MTCH2: variants seen among roughly 807,000 people sequenced by gnomAD.
MTCH2 encodes the protein mitochondrial carrier homolog 2.
Under a neutral mutation model 50.6 loss-of-function variants are expected in MTCH2, and 25 were observed. The ratio of observed to expected loss-of-function variants is 0.49; its 90% confidence interval spans 0.36 to 0.69. The LOEUF (loss-of-function observed/expected upper bound fraction) is 0.69, where lower values mean the gene tolerates loss of function less well. Ranked by LOEUF, MTCH2 falls within the 30% of genes least tolerant of loss-of-function variation. The pLI, the probability that MTCH2 is intolerant of heterozygous loss-of-function variation, is 0.00. For missense variants in MTCH2, 273 were observed against 384.4 expected, an observed-to-expected ratio of 0.71 and a Z score of 2.42; for synonymous variants, 106 against 132.0, an observed-to-expected ratio of 0.80 and a Z score of 1.35.
chr11:47,638,563 AAAAG>A, intron 3 of MTCH2, 132 bp downstream of exon 3: 4 of 670,380 alleles, frequency 6.0e-6, no homozygotes, highest in Non-Finnish European at 9.7e-6. Flanking sequence ...AAAAAAAAAA[AAAAG>A]AAAGTGTTTT....
chr11:47,611,130 C>G, the MTCH2 span, among the ~76,000 whole-genome samples: 3 of 152,222 alleles, frequency 2.0e-5, no homozygotes, highest in African/African-American at 7.2e-5. Context: ...TGTCAGTGGA[C>G]AGTAAGCGCC....
intron 1 of MTCH2, among the ~76,000 whole-genome samples, chr11:47,642,012 G>C (rs1296653051): frequency 6.6e-6 from 1 of 152,230 alleles, no homozygotes; most frequent in Non-Finnish European, 1.5e-5. Context: ...GGGAGTAGTG[G>C]TGAATGTGAA....
At chr11:47,611,549 T>A in the MTCH2 span, among the ~76,000 whole-genome samples, 1 of 152,264 alleles carries the variant, frequency 6.6e-6, no homozygotes, top group Non-Finnish European at 1.5e-5. Context: ...TCCATTCTCT[T>A]GGCTGCCTTG....
intron 12 of MTCH2, among the ~76,000 whole-genome samples, chr11:47,619,937 C>T (rs982783812): frequency 6.6e-6 from 1 of 152,012 alleles, no homozygotes; most frequent in Non-Finnish European, 1.5e-5. Context: ...ATTAGCCGGG[C>T]GTAGTGGCGG....
At position 47,634,561 on chromosome 11, in the gene MTCH2, A is replaced by C. The variant is rs975637956; in HGVS notation, c.369+111T>G. ...AAGCCCAAATTAATTTGAAGGTTTA[A>C]TTTCATTTGGGAACAGACACTGAAC... On this transcript the variant is annotated intron_variant, in intron 5 of 12. Coordinates refer to ENST00000302503, the MANE Select transcript of MTCH2 (RefSeq NM_014342.4). 2.3e-5 allele frequency: 18 copies of C among 795,554 alleles called. No homozygotes were observed. The Middle Eastern group carries it at 7.0e-4, about 31-fold the overall frequency. The allele number at this position is 795,554 out of a possible 1,614,324, so 49.3% of individuals were successfully genotyped here.
chr11:47,632,634 A>G (rs2097304166), intron 5 of MTCH2, among the ~76,000 whole-genome samples: 1 of 152,026 alleles, frequency 6.6e-6, no homozygotes, highest in African/African-American at 2.4e-5. Context: ...CTGGGATTAC[A>G]GGCATGAGCC....
chr11:47,629,758 A>G (rs1056968176), intron 8 of MTCH2, among the ~76,000 whole-genome samples: 65 of 152,052 alleles, frequency 4.3e-4, no homozygotes, highest in African/African-American at 1.5e-3. Context: ...AATTAAAAAA[A>G]AAAAAACAAA....
chr11:47,631,042 T>A lies in MTCH2; in HGVS notation c.473A>T (p.Lys158Met), dbSNP rs771797514. 16 of 1,611,410 alleles carry A rather than the reference T, an allele frequency of 9.9e-6. No homozygotes were observed. In the East Asian group the frequency reaches 3.6e-4, roughly 36 times the overall value. ...TGAAAACAAAAATACTTACCAGTAC[T>A]TGGATTCTCTGCCAATGAACTGTAC... The part of the protein sequence containing the change: ...SMVQFIGRES[K>M]YCGLCDSIIT... Residue 158 changes from lysine (K) to methionine (M), a missense_variant, in exon 7 of 13, where the codon AAG (lysine) becomes ATG (methionine). Physicochemically the swap from Lys to Met is moderately conservative, Grantham distance 95. This residue lies in a region of MTCH2 where 203 missense variants were observed against 244.3 expected (regional missense o/e 0.83). Coordinates refer to ENST00000302503, the MANE Select transcript of MTCH2 (RefSeq NM_014342.4).
chr11:47,615,031 CTTTTTTTTTTTTTTTTT>C (rs61122824), downstream of MTCH2, among the ~76,000 whole-genome samples: 10 of 44,880 alleles, frequency 2.2e-4, no homozygotes, highest in African/African-American at 3.1e-4. Context: ...CCCAGTGAGG[CTTTTTTTTTTTTTTTTT>C]TTTTTTTTTT....
At position 47,617,505 on chromosome 11, in the gene MTCH2, A is replaced by G. The variant is rs967883467; in HGVS notation, c.*1328T>C. 2 of 152,572 alleles carry G rather than the reference A, an allele frequency of 1.3e-5. No homozygotes were observed. The highest frequency in any genetic ancestry group is 2.9e-5 in the Non-Finnish European group (2 of 68,030). 9.5% of individuals were successfully genotyped at this position (152,572 alleles called of 1,614,324 possible). ...GCTCCTCATGAGCTTCCTAAACCCC[A>G]GGGGAGGGAAGAGACCCCTGCATTC... On this transcript the variant is annotated 3_prime_UTR_variant, in exon 13 of 13. Transcript: ENST00000302503.
chr11:47,635,562 C>T lies in MTCH2; in HGVS notation c.289G>A (p.Glu97Lys). 6.2e-7 allele frequency: 1 copy of T among 1,613,238 alleles called. No individual in the cohort carries two copies. Among genetic ancestry groups the T allele is most frequent in the East Asian group, 2.2e-5 (1 of 44,878 alleles). Residue 97 changes from glutamate (E) to lysine (K), a missense_variant, in exon 4 of 13, where the codon GAG (glutamate) becomes AAG (lysine). By Grantham distance (56) the Glu-to-Lys change is moderately conservative. Transcript: ENST00000302503. ...CAACATACCTCACCCTTGTCACTCT[C>T]CTGGTAATGCTATAGAAAAAAAGAA... ...VHGKVLQHYQESDKGEELGPG... is the reference protein window; with the variant it reads ...VHGKVLQHYQKSDKGEELGPG...
At position 47,642,484 on chromosome 11, in the gene MTCH2, A is replaced by C. The variant is rs778323411; in HGVS notation, c.-19T>G. The C allele has an allele frequency of 2.7e-6, 4 of 1,469,418 alleles. No homozygotes were observed. The highest frequency in any genetic ancestry group is 2.3e-5 in the Admixed American group (1 of 43,420). 91.0% of individuals were successfully genotyped at this position (1,469,418 alleles called of 1,614,324 possible). On this transcript the variant is annotated 5_prime_UTR_variant, in exon 1 of 13. Transcript: ENST00000302503. ...CCGCCATGATGGCACCCGCGGGCGGACGGACAGACAGACGGAGCCACCAAG... is the reference window on the plus strand; with the variant it reads ...CCGCCATGATGGCACCCGCGGGCGGCCGGACAGACAGACGGAGCCACCAAG...
chr11:47,614,924 G>T (rs1160667711), downstream of MTCH2, among the ~76,000 whole-genome samples: 2 of 150,952 alleles, frequency 1.3e-5, no homozygotes, highest in African/African-American at 4.9e-5. Flanking sequence ...CAGTGGAAAG[G>T]GAGAAGGAAA....
chr11:47,634,533 G>T (rs959462724), intron 5 of MTCH2, 139 bp downstream of exon 5: 13 of 620,432 alleles, frequency 2.1e-5, no homozygotes, highest in Non-Finnish European at 3.1e-5. Flanking sequence ...TATACATGTA[G>T]TAAAGCCCAA....
At chr11:47,612,892 A>T (rs1026477104), downstream of MTCH2, among the ~76,000 whole-genome samples, 1 of 152,028 alleles carries the variant, frequency 6.6e-6, no homozygotes, top group Non-Finnish European at 1.5e-5. Context: ...AAAAATATAA[A>T]ATGAGATGTC....
At chr11:47,622,861 C>T in intron 11 of MTCH2, 85 bp from the exon 12 acceptor site, 1 of 894,160 alleles carries the variant, frequency 1.1e-6, no homozygotes, top group East Asian at 2.7e-5. Flanking sequence ...AAATATTCTG[C>T]TGCACAGAAG....
intron 9 of MTCH2, among the ~76,000 whole-genome samples, chr11:47,627,619 T>C (rs1318854472): frequency 2.0e-5 from 3 of 151,412 alleles, no homozygotes; most frequent in African/African-American, 7.3e-5. Context: ...TTTGACAGCT[T>C]GAAAATTAAT....
At chr11:47,626,802 G>A (rs937839097) in intron 10 of MTCH2, among the ~76,000 whole-genome samples, 6 of 152,028 alleles carry the variant, frequency 3.9e-5, no homozygotes, top group Non-Finnish European at 7.4e-5. Context: ...TAGTAGAGAC[G>A]GGGATTCATC....
chr11:47,614,830 G>A (rs937144368), downstream of MTCH2, among the ~76,000 whole-genome samples: 2 of 152,002 alleles, frequency 1.3e-5, no homozygotes, highest in Non-Finnish European at 2.9e-5. Context: ...TGCCCACCTC[G>A]GCCTCCCAAA....
Sources: allele counts gnomAD v4.1 joint callset (sites outside exome capture counted in the v4.1 genomes callset), GRCh38; gene constraint gnomAD v4.1.1; regional missense constraint gnomAD v4.1.1; transcripts MANE v1.5; gene names NCBI Gene and HGNC (gene_info 2026-07-23, HGNC 2026-07-21).